Variants in KIF26B observed in about 807,000 individuals in gnomAD.
KIF26B encodes the protein kinesin-like protein KIF26B.
A neutral mutation model predicts 151.2 loss-of-function variants in KIF26B; 63 were observed. That is an observed-to-expected ratio of 0.42 (90% CI 0.34 to 0.51). The LOEUF (loss-of-function observed/expected upper bound fraction) is 0.51, where lower values mean the gene tolerates loss of function less well. Among genes scored for constraint, KIF26B ranks in the 20% least tolerant of loss-of-function variants. The pLI is 0.07. For missense variants in KIF26B, 2,813 were observed against 2,913.6 expected, an observed-to-expected ratio of 0.97 and a Z score of 0.79; for synonymous variants, 1,357 against 1,262.1, an observed-to-expected ratio of 1.08 and a Z score of -1.59.
intron 2 of KIF26B, among the ~76,000 whole-genome samples, chr1:245,184,475 T>A (rs543824626): frequency 6.6e-6 from 1 of 152,292 alleles, no homozygotes; most frequent in South Asian, 2.1e-4. Flanking sequence ...GGTACACAAA[T>A]GTGTCTTTAT....
intron 2 of KIF26B, among the ~76,000 whole-genome samples, chr1:245,171,523 G>A (rs374685975): frequency 1.2e-4 from 19 of 152,180 alleles, no homozygotes; most frequent in South Asian, 8.3e-4. Flanking sequence ...CAGCCTAGGC[G>A]ACAGAGTGAG....
chr1:245,313,023 G>A (rs1671693630), intron 2 of KIF26B, among the ~76,000 whole-genome samples: 2 of 152,112 alleles, frequency 1.3e-5, no homozygotes, highest in Non-Finnish European at 2.9e-5. Flanking sequence ...GCCAGGCGTG[G>A]TGGTGCGCAC....
Position 245,474,148 on chromosome 1 carries a change from A to G in KIF26B, c.1166+54403A>G, listed in dbSNP as rs150255074. Among the ~76,000 whole-genome samples, 71 of 142,638 alleles carry G rather than the reference A, an allele frequency of 5.0e-4. 1 individual carries two copies. In the East Asian group the frequency reaches 0.014, roughly 28 times the overall value. 93.6% of individuals were successfully genotyped at this position (142,638 alleles called of 152,430 possible). ...TTTTGAGATGGAGTCTCGCCCTGTC[A>G]CCCAGTCTGGAGTGCAGTGGCATGA... On this transcript the variant is annotated intron_variant, in intron 4 of 14. Transcript: ENST00000407071.
At chr1:245,452,598 T>A (rs1371161212) in intron 4 of KIF26B, among the ~76,000 whole-genome samples, 1 of 152,194 alleles carries the variant, frequency 6.6e-6, no homozygotes, top group Admixed American at 6.6e-5. Flanking sequence ...CGACAGTATT[T>A]ATTTTCCTTT....
At chr1:245,490,691 T>A (rs1478405858) in intron 4 of KIF26B, among the ~76,000 whole-genome samples, 1 of 152,160 alleles carries the variant, frequency 6.6e-6, no homozygotes, top group Non-Finnish European at 1.5e-5. Context: ...AAAGCAGCCG[T>A]TTCATATTAG....
intron 4 of KIF26B, among the ~76,000 whole-genome samples, chr1:245,421,692 TGAAGCAG>T (rs1243509708): frequency 6.6e-6 from 1 of 152,092 alleles, no homozygotes; most frequent in Non-Finnish European, 1.5e-5. Flanking sequence ...CCAGAAGATT[TGAAGCAG>T]GAAGAAATAA....
chr1:245,446,280 G>T (rs947833381), intron 4 of KIF26B, among the ~76,000 whole-genome samples: 2 of 152,166 alleles, frequency 1.3e-5, no homozygotes, highest in African/African-American at 4.8e-5. Context: ...TTATCATCTT[G>T]GGGACTACAG....
chr1:245,465,760 G>A (rs950524233), intron 4 of KIF26B, among the ~76,000 whole-genome samples: 1 of 152,188 alleles, frequency 6.6e-6, no homozygotes, highest in Non-Finnish European at 1.5e-5. Context: ...CCAGCCGCTG[G>A]GGAGGCCTGA....
At chr1:245,648,208 G>T (rs965912714) in intron 10 of KIF26B, among the ~76,000 whole-genome samples, 4 of 152,148 alleles carry the variant, frequency 2.6e-5, no homozygotes, top group Non-Finnish European at 4.4e-5. Flanking sequence ...GTTTCTGCAG[G>T]GCGACATGCT....
At position 245,287,653 on chromosome 1, in the gene KIF26B, G is replaced by A. The variant is rs1246612810; in HGVS notation, c.466-79181G>A. Among the ~76,000 whole-genome samples the A allele has an allele frequency of 3.3e-5, 5 of 152,078 alleles. No homozygotes were observed. The South Asian group carries it at 6.2e-4, about 19-fold the overall frequency. On this transcript the variant is annotated intron_variant, in intron 2 of 14. Transcript: ENST00000407071. ...CAATTAGCTGGGATTACAGGCATGC[G>A]TCACCACGCCCGGCTAATTTTGTAT... is the stretch of plus-strand genomic sequence containing the variant.
intron 2 of KIF26B, among the ~76,000 whole-genome samples, chr1:245,328,105 G>C (rs561519120): frequency 2.0e-5 from 3 of 149,764 alleles, no homozygotes; most frequent in Non-Finnish European, 4.4e-5. Flanking sequence ...GGAGGTCTCC[G>C]AATGAACTGC....
intron 1 of KIF26B, 81 bp from the exon 2 acceptor site, chr1:245,156,201 G>A: frequency 6.7e-7 from 1 of 1,487,136 alleles, no homozygotes; most frequent in Non-Finnish European, 8.9e-7. Context: ...GCGGGTACTT[G>A]GTGGCGCACG....
intron 3 of KIF26B, among the ~76,000 whole-genome samples, chr1:245,380,522 C>T (rs1482944557): frequency 1.3e-5 from 2 of 152,298 alleles, no homozygotes; most frequent in East Asian, 3.9e-4. Context: ...CCTTTTGGTT[C>T]AAGCAACAGA....
chr1:245,208,849 C>T (rs998439676), intron 2 of KIF26B, among the ~76,000 whole-genome samples: 10 of 152,202 alleles, frequency 6.6e-5, no homozygotes, highest in African/African-American at 1.9e-4. Context: ...GCTAGCCCAG[C>T]TCCTACCTTC....
At chr1:245,395,909 C>T (rs1223904173) in intron 3 of KIF26B, among the ~76,000 whole-genome samples, 12 of 152,122 alleles carry the variant, frequency 7.9e-5, no homozygotes, top group Admixed American at 2.6e-4. Flanking sequence ...CTGAAAGCCT[C>T]GGCTTCAGTT....
intron 5 of KIF26B, among the ~76,000 whole-genome samples, chr1:245,565,498 C>A (rs888507675): frequency 6.6e-6 from 1 of 152,080 alleles, no homozygotes; most frequent in Non-Finnish European, 1.5e-5. Context: ...CTACGTTGGC[C>A]AGGCTGCTCT....
chr1:245,689,629 C>T (rs1043326754), intron 12 of KIF26B, among the ~76,000 whole-genome samples: 1 of 152,158 alleles, frequency 6.6e-6, no homozygotes, highest in African/African-American at 2.4e-5. Flanking sequence ...GTGATCTTGC[C>T]AAACTGCAAC....
intron 12 of KIF26B, among the ~76,000 whole-genome samples, chr1:245,695,444 C>T (rs1260711540): frequency 6.6e-6 from 1 of 152,182 alleles, no homozygotes; most frequent in Non-Finnish European, 1.5e-5. Context: ...GAGGGAGCCT[C>T]AGCTGGAGGT....
rs1042946583 is a variant in KIF26B at position 245,703,843 on chromosome 1, T to C, written c.*1237T>C. On this transcript the variant is annotated 3_prime_UTR_variant, in exon 15 of 15. Transcript: ENST00000407071. ...TTCAGCTCTCCTGTGTCCCAAAGCC[T>C]CTATGCCAAGAAGGGACAGGCTTGT... The C allele has an allele frequency of 6.6e-6, 1 of 152,176 alleles. No individual in the cohort carries two copies. Among genetic ancestry groups the C allele is most frequent in the Non-Finnish European group, 1.5e-5 (1 of 68,052 alleles). The allele number at this position is 152,176 out of a possible 1,614,324, so 9.4% of individuals were successfully genotyped here.
Sources: gnomAD v4.1 joint callset for allele counts (sites outside exome capture counted in the v4.1 genomes callset) on GRCh38, gnomAD v4.1.1 for gene constraint, MANE v1.5 for transcripts, NCBI Gene and HGNC (gene_info 2026-07-23, HGNC 2026-07-21) for gene names.